The following ICAM1 variants were observed in gnomAD, a reference collection of about 807,000 sequenced individuals.
The protein encoded by ICAM1 is intercellular adhesion molecule 1, also known as ICAM-1.
In ICAM1, 28 loss-of-function variants were observed where a neutral mutation model predicts 42.3. The observed-to-expected ratio is 0.66, with a 90% CI of 0.49 to 0.91. The LOEUF (loss-of-function observed/expected upper bound fraction) is 0.91, where lower values mean the gene tolerates loss of function less well. Among genes scored for constraint, ICAM1 ranks in the 40% least tolerant of loss-of-function variants. ICAM1 has a pLI of 0.00. For synonymous variants in ICAM1, 304 were observed against 305.9 expected, an observed-to-expected ratio of 0.99 and a Z score of 0.07; for missense variants, 637 against 688.6, an observed-to-expected ratio of 0.93 and a Z score of 0.84.
intron 2 of ICAM1, among the ~76,000 whole-genome samples, chr19:10,278,570 T>TTTTG: frequency 1.0e-5 from 1 of 95,756 alleles, no homozygotes. Flanking sequence ...TTTTTTTTTT[T>TTTTG]TCTTTTTTTT....
chr19:10,283,428 G>C, intron 2 of ICAM1, 53 bp from the exon 3 acceptor site: 2 of 1,500,930 alleles, frequency 1.3e-6, no homozygotes, highest in South Asian at 2.7e-5. Context: ...TCGTCTGTTA[G>C]GCAGGCAGCA....
intron 2 of ICAM1, among the ~76,000 whole-genome samples, chr19:10,282,601 G>T (rs898547548): frequency 3.3e-5 from 5 of 151,728 alleles, no homozygotes; most frequent in African/African-American, 4.8e-5. Flanking sequence ...GCCCAGGCTT[G>T]TCTTGAACTC....
chr19:10,280,427 G>A (rs997121783), intron 2 of ICAM1, among the ~76,000 whole-genome samples: 12 of 152,226 alleles, frequency 7.9e-5, no homozygotes, highest in East Asian at 3.9e-4. Flanking sequence ...AGGCTGGAGT[G>A]CAGTGGTACA....
At chr19:10,278,580 T>TGG (rs74178248) in intron 2 of ICAM1, among the ~76,000 whole-genome samples, 1 of 132,020 alleles carries the variant, frequency 7.6e-6, no homozygotes, top group Non-Finnish European at 1.6e-5. Context: ...TTCTTTTTTT[T>TGG]GACACACAGT....
chr19:10,284,207 C>T lies in ICAM1; in HGVS notation c.812C>T (p.Ser271Leu), dbSNP rs747446910. The T allele has an allele frequency of 7.4e-6, 12 of 1,613,920 alleles. No individual in the cohort carries two copies. The highest frequency in any genetic ancestry group is 5.5e-5 in the South Asian group (5 of 91,090). The change falls in exon 4 of 7, where the codon TCG (serine) becomes TTG (leucine). Residue 271 changes from serine (S) to leucine (L), a missense_variant. Physicochemically the swap from Ser to Leu is moderately radical, Grantham distance 145. Coordinates refer to ENST00000264832, the MANE Select transcript of ICAM1 (RefSeq NM_000201.3). This position sits in a 1 kb window ranked among gnomAD's most constrained non-coding sequence, Gnocchi z 5.4. ...GTCACCTATGGCAACGACTCCTTCT[C>T]GGCCAAGGCCTCAGTCAGTGTGACC... is the stretch of plus-strand genomic sequence containing the variant. ...PTVTYGNDSFSAKASVSVTAE... is the reference protein window; with the variant it reads ...PTVTYGNDSFLAKASVSVTAE...
rs2040095864 is a variant in ICAM1 at position 10,285,281 on chromosome 19, T to G, written c.1593T>G (p.Pro531=). The change falls in exon 7 of 7, where the codon CCT becomes CCG. Residue 531 remains proline, a synonymous_variant. Coordinates refer to ENST00000264832, the MANE Select transcript of ICAM1 (RefSeq NM_000201.3). ...TPMKPNTQAT[P]P ...TGAAACCGAACACACAAGCCACGCC[T>G]CCCTGAACCTATCCCGGGACAGGGC... 1 of 1,613,686 alleles carries G rather than the reference T, an allele frequency of 6.2e-7. No homozygotes were observed. The highest frequency in any genetic ancestry group is 8.5e-7 in the Non-Finnish European group (1 of 1,179,760).
intron 2 of ICAM1, among the ~76,000 whole-genome samples, chr19:10,277,862 A>T (rs1245562613): frequency 6.6e-6 from 1 of 152,216 alleles, no homozygotes; most frequent in Non-Finnish European, 1.5e-5. Flanking sequence ...AAAATAAGGA[A>T]TTCAAATGAA....
chr19:10,273,858 A>G (rs1165150006), intron 1 of ICAM1, among the ~76,000 whole-genome samples: 1 of 151,892 alleles, frequency 6.6e-6, no homozygotes. Flanking sequence ...TATTAAAAAT[A>G]CAAAAATTAG....
rs781009982 is a variant in ICAM1 at position 10,284,518 on chromosome 19, C to T, written c.1041C>T (p.Ala347=). ...RAKVTLNGVP[A]QPLGPRAQLL... is the part of the protein sequence containing the mutation. ...AGGTGACGCTGAATGGGGTTCCAGC[C>T]CAGCCACTGGGCCCGAGGGCCCAGC... is the stretch of plus-strand genomic sequence containing the variant. The change falls in exon 5 of 7, where the codon GCC becomes GCT. Residue 347 remains alanine, a synonymous_variant. Transcript: ENST00000264832. The surrounding 1 kb of genome is among the most constrained non-coding windows in gnomAD (Gnocchi z 5.4). 42 of 1,613,874 alleles carry T rather than the reference C, an allele frequency of 2.6e-5. No homozygotes were observed. In the Admixed American group the frequency reaches 3.8e-4, roughly 15 times the overall value.
At chr19:10,271,725 C>T (rs2039982561) in intron 1 of ICAM1, among the ~76,000 whole-genome samples, 1 of 152,142 alleles carries the variant, frequency 6.6e-6, no homozygotes. Flanking sequence ...CCCAACAAGG[C>T]TTAAGGGACC....
chr19:10,281,372 T>C (rs2040057574), intron 2 of ICAM1, among the ~76,000 whole-genome samples: 1 of 151,762 alleles, frequency 6.6e-6, no homozygotes, highest in African/African-American at 2.4e-5. Flanking sequence ...TGACCCCGCC[T>C]TGGCATCCCA....
chr19:10,273,662 T>TA lies in ICAM1; in HGVS notation c.68-1091dup, dbSNP rs879294697. On this transcript the variant is annotated intron_variant, in intron 1 of 6. Transcript: ENST00000264832. Reference sequence around the variant, plus strand: ...CCTGGGTAACAGAGGGAGACCCGTTTAAAAAAAAAAAAGTGATGGCTAAAG... The same window carrying TA: ...CCTGGGTAACAGAGGGAGACCCGTTTAAAAAAAAAAAAAGTGATGGCTAAAG... Among the ~76,000 whole-genome samples, 714 of 143,420 alleles carry TA rather than the reference T, an allele frequency of 5.0e-3. 8 individuals carry two copies. Among genetic ancestry groups the TA allele is most frequent in the Admixed American group, 0.024 (344 of 14,436 alleles). The allele number at this position is 143,420 out of a possible 152,430, so 94.1% of individuals were successfully genotyped here.
At chr19:10,282,036 G>A (rs1024375157) in intron 2 of ICAM1, among the ~76,000 whole-genome samples, 3 of 150,072 alleles carry the variant, frequency 2.0e-5, no homozygotes, top group East Asian at 2.0e-4. Flanking sequence ...GCCACCACAC[G>A]CAGCCTTTTT....
chr19:10,284,338 C>A lies in ICAM1; in HGVS notation c.925+18C>A. 5 of 1,611,950 alleles carry A rather than the reference C, an allele frequency of 3.1e-6. No homozygotes were observed. The highest frequency in any genetic ancestry group is 4.2e-6 in the Non-Finnish European group (5 of 1,179,386). On this transcript the variant is annotated intron_variant, in intron 4 of 6. Coordinates refer to ENST00000264832, the MANE Select transcript of ICAM1 (RefSeq NM_000201.3). The surrounding 1 kb of genome is among the most constrained non-coding windows in gnomAD (Gnocchi z 5.4). Reference sequence around the variant, plus strand: ...CATCTACAGTAAGAAGGGGCAGGGGCGGAGTGGGGCTTCTTGGGGGTGTGA... The same window carrying A: ...CATCTACAGTAAGAAGGGGCAGGGGAGGAGTGGGGCTTCTTGGGGGTGTGA...
rs771055695 is a variant in ICAM1 at position 10,284,390 on chromosome 19, G to C, written c.926-13G>C. On this transcript the variant is annotated splice_polypyrimidine_tract_variant and intron_variant, in intron 4 of 6. Coordinates refer to ENST00000264832, the MANE Select transcript of ICAM1 (RefSeq NM_000201.3). The surrounding 1 kb of genome is among the most constrained non-coding windows in gnomAD (Gnocchi z 5.4). ...CTGAACCCGGGGCGGGGCTCACTGT[G>C]TGCCTATTCCAGGCTTTCCGGCGCC... 2.5e-6 allele frequency: 4 copies of C among 1,612,552 alleles called. No individual in the cohort carries two copies. In the South Asian group the frequency reaches 4.4e-5, roughly 18 times the overall value.
rs1568293403 is a variant in ICAM1 at position 10,278,580 on chromosome 19, T to TTTG, written c.331+3552_331+3553insTTG. 3.8e-4 allele frequency among the ~76,000 whole-genome samples: 50 copies of TTTG among 132,080 alleles called. 1 individual carries two copies. The highest frequency in any genetic ancestry group is 1.1e-3 in the South Asian group (4 of 3,600). The allele number at this position is 132,080 out of a possible 152,430, so 86.6% of individuals were successfully genotyped here. ...TTTTTTTTTTTTTTTTTCTTTTTTT[T>TTTG]GACACACAGTCTTGCTCTGTCGCCC... On this transcript the variant is annotated intron_variant, in intron 2 of 6. Coordinates refer to ENST00000264832, the MANE Select transcript of ICAM1 (RefSeq NM_000201.3).
In ICAM1 at chr19:10,284,510, G is replaced by C. The variant is rs779307629; in HGVS notation, c.1033G>C (p.Val345Leu). The change falls in exon 5 of 7, where the codon GTT becomes CTT. Residue 345 changes from valine to leucine, a missense_variant. Coordinates refer to ENST00000264832, the MANE Select transcript of ICAM1 (RefSeq NM_000201.3). This position sits in a 1 kb window ranked among gnomAD's most constrained non-coding sequence, Gnocchi z 5.4. ...TAGAGCCAAGGTGACGCTGAATGGG[G>C]TTCCAGCCCAGCCACTGGGCCCGAG... ...HPRAKVTLNG[V>L]PAQPLGPRAQ... The C allele has an allele frequency of 3.1e-6, 5 of 1,614,078 alleles. No individual in the cohort carries two copies. Among genetic ancestry groups the C allele is most frequent in the South Asian group, 1.1e-5 (1 of 91,086 alleles).
intron 1 of ICAM1, among the ~76,000 whole-genome samples, chr19:10,274,480 A>G (rs2040002954): frequency 6.6e-6 from 1 of 151,762 alleles, no homozygotes; most frequent in Non-Finnish European, 1.5e-5. Context: ...ATGCCCAGCT[A>G]ATTTTTGTAT....
intron 3 of ICAM1, 39 bp from the exon 4 acceptor site, chr19:10,283,994 G>T: frequency 1.3e-6 from 2 of 1,589,136 alleles, no homozygotes; most frequent in Non-Finnish European, 1.7e-6. Flanking sequence ...GCTTCGGGAC[G>T]TCCATCCCTG....
Sources: allele counts gnomAD v4.1 joint callset (sites outside exome capture counted in the v4.1 genomes callset), GRCh38; gene constraint gnomAD v4.1.1; non-coding constraint Gnocchi (gnomAD v3.1); transcripts MANE v1.5; gene names NCBI Gene and HGNC (gene_info 2026-07-23, HGNC 2026-07-21).